NGEF: variants seen among roughly 807,000 people sequenced by gnomAD.
The protein encoded by NGEF is neuronal guanine nucleotide exchange factor.
A neutral mutation model predicts 80.9 loss-of-function variants in NGEF; 31 were observed. The ratio of observed to expected loss-of-function variants is 0.38; its 90% CI spans 0.29 to 0.52. NGEF has a LOEUF of 0.52. Among genes scored for constraint, NGEF ranks in the 20% least tolerant of loss-of-function variants. NGEF has a pLI of 0.84. For synonymous variants in NGEF, 371 were observed against 370.2 expected, an observed-to-expected ratio of 1.00 and a Z score of -0.03; for missense variants, 709 against 926.2, an observed-to-expected ratio of 0.77 and a Z score of 3.04.
chr2:232,979,397 G>C (rs938574), intron 1 of NGEF, among the ~76,000 whole-genome samples: 330 of 6,122 alleles, frequency 0.054, 2 homozygotes, highest in African/African-American at 0.099. Context: ...CACACACACA[G>C]GAAGAGATTG....
At chr2:232,996,337 A>C (rs1488787864) in intron 1 of NGEF, among the ~76,000 whole-genome samples, 1 of 152,186 alleles carries the variant, frequency 6.6e-6, no homozygotes, top group Non-Finnish European at 1.5e-5. Context: ...CAAGACAACA[A>C]CAACAACAAC....
chr2:232,928,043 C>A (rs1693121935), intron 3 of NGEF: 1 of 1,177,492 alleles, frequency 8.5e-7, no homozygotes, highest in Non-Finnish European at 1.0e-6. Context: ...TCGGGGGCCA[C>A]GCCGGGGCCC....
chr2:232,925,354 T>C (rs1198982916), intron 4 of NGEF, among the ~76,000 whole-genome samples: 1 of 152,202 alleles, frequency 6.6e-6, no homozygotes, highest in Admixed American at 6.5e-5. Context: ...CCCTGGGCTG[T>C]CAGTCAACAC....
rs1016796802 is a variant in NGEF at position 232,892,042 on chromosome 2, G to A, written c.1143-555C>T. 6.6e-6 allele frequency among the ~76,000 whole-genome samples: 1 copy of A among 151,996 alleles called. No homozygotes were observed. The highest frequency in any genetic ancestry group is 1.9e-4 in the East Asian group (1 of 5,196). ...GTGCTCAGCCTGTCACTCAGCCTCTGTGCTCACACGGCCTGGCGGGGGCCA... is the reference window on the plus strand; with the variant it reads ...GTGCTCAGCCTGTCACTCAGCCTCTATGCTCACACGGCCTGGCGGGGGCCA... On this transcript the variant is annotated intron_variant, in intron 7 of 14. Transcript: ENST00000264051. This position sits in a 1 kb window ranked among gnomAD's most constrained non-coding sequence, Gnocchi z 4.0.
chr2:233,005,233 C>A (rs958703167), intron 1 of NGEF, among the ~76,000 whole-genome samples: 4 of 152,188 alleles, frequency 2.6e-5, no homozygotes, highest in African/African-American at 7.2e-5. Flanking sequence ...GCTCTGAGTG[C>A]CCCATGGTTA....
At chr2:232,966,230 C>T (rs542445335) in intron 3 of NGEF, among the ~76,000 whole-genome samples, 1 of 152,128 alleles carries the variant, frequency 6.6e-6, no homozygotes, top group South Asian at 2.1e-4. Context: ...CTTAGACATG[C>T]CTCCCGGGAG....
intron 3 of NGEF, among the ~76,000 whole-genome samples, chr2:232,956,555 T>G (rs1693837189): frequency 6.6e-6 from 1 of 151,862 alleles, no homozygotes; most frequent in Non-Finnish European, 1.5e-5. Flanking sequence ...ATACCTGAGG[T>G]CAGGAGTTCG....
chr2:232,884,982 T>C, intron 10 of NGEF: 1 of 314,232 alleles, frequency 3.2e-6, no homozygotes, highest in Non-Finnish European at 5.9e-6. Context: ...AACTGACTGC[T>C]CAAGGCCACG....
intron 1 of NGEF, among the ~76,000 whole-genome samples, chr2:232,977,358 C>T (rs1028301873): frequency 1.3e-5 from 2 of 152,274 alleles, no homozygotes; most frequent in East Asian, 3.9e-4. Flanking sequence ...TGGCCTTGAG[C>T]TCAGTGTAAG....
rs1694251861 is a variant in NGEF, at chr2:232,974,555, A to AGGCATTTTCAATGCCACTAAT, written c.268+67_268+68insATTAGTGGCATTGAAAATGCC. The AGGCATTTTCAATGCCACTAAT allele has an allele frequency of 4.0e-6, 6 of 1,513,868 alleles. No homozygotes were observed. In the South Asian group the frequency reaches 7.6e-5, roughly 19 times the overall value. 93.8% of individuals were successfully genotyped at this position (1,513,868 alleles called of 1,614,324 possible). A position where few individuals can be genotyped will look rare whatever the true frequency, so the allele number is the denominator to read the frequency against. ...ACTTATCCTTTCTCATTTAATGAGG[A>AGGCATTTTCAATGCCACTAAT]CCTTTCAGCACTGATGACTCCAGTT... On this transcript the variant is annotated intron_variant, in intron 2 of 14. Coordinates refer to ENST00000264051, the MANE Select transcript of NGEF (RefSeq NM_019850.3).
chr2:232,977,211 A>G (rs6718452), intron 1 of NGEF, among the ~76,000 whole-genome samples: 88,654 of 151,548 alleles, frequency 0.58, 27,098 homozygotes, highest in African/African-American at 0.73. Context: ...GGACCCCTGC[A>G]CTTGCTCCAC....
At chr2:232,911,633 C>A (rs1176687211) in intron 5 of NGEF, among the ~76,000 whole-genome samples, 3 of 152,108 alleles carry the variant, frequency 2.0e-5, no homozygotes, top group Non-Finnish European at 4.4e-5. Flanking sequence ...TCTTTCAATC[C>A]ATAAACAGTT....
In NGEF at chr2:232,972,744, C is replaced by CTTTT. The variant is rs61594239; in HGVS notation, c.268+1875_268+1878dup. On this transcript the variant is annotated intron_variant, in intron 2 of 14. Coordinates refer to ENST00000264051, the MANE Select transcript of NGEF (RefSeq NM_019850.3). ...CTTTCTCCCCAGCCATGTCCTTATC[C>CTTTT]TTTTTTTTTTTTTTTTTTTTTTTTT... 1.5e-4 allele frequency among the ~76,000 whole-genome samples: 19 copies of CTTTT among 123,382 alleles called. 2 individuals carry two copies. In the East Asian group the frequency reaches 3.6e-3, roughly 23 times the overall value. The allele number at this position is 123,382 out of a possible 152,430, so 80.9% of individuals were successfully genotyped here. A position where few individuals can be genotyped will look rare whatever the true frequency, so the allele number is the denominator to read the frequency against.
chr2:232,920,697 A>C, intron 4 of NGEF, 112 bp from the exon 5 acceptor site: 1 of 1,081,264 alleles, frequency 9.2e-7, no homozygotes, highest in Non-Finnish European at 1.3e-6. Flanking sequence ...TGTGTCCAGG[A>C]ATACACAGTG....
chr2:232,946,060 C>A (rs1234705156), intron 3 of NGEF, among the ~76,000 whole-genome samples: 2 of 111,000 alleles, frequency 1.8e-5, no homozygotes, highest in Admixed American at 2.2e-4. Context: ...CAATATATAT[C>A]TGATATATAT....
At chr2:232,900,915 C>T (rs1168402573) in intron 5 of NGEF, among the ~76,000 whole-genome samples, 2 of 152,232 alleles carry the variant, frequency 1.3e-5, no homozygotes, top group Non-Finnish European at 2.9e-5. Flanking sequence ...GCGCGGGCCA[C>T]GGGGCTGCTC....
In NGEF at chr2:232,985,618, C is replaced by T. The variant is rs578092722; in HGVS notation, c.-74-10654G>A. Among the ~76,000 whole-genome samples the T allele has an allele frequency of 4.6e-5, 7 of 151,950 alleles. No individual in the cohort carries two copies. The East Asian group carries it at 5.8e-4, about 13-fold the overall frequency. The stretch of plus-strand genomic sequence containing the variant: ...ATACAAAAAAATTAGCTGGGCTTGG[C>T]GGCGGGTACCTGTAGTCCCAGCTAC... On this transcript the variant is annotated intron_variant, in intron 1 of 14. Transcript: ENST00000264051.
intron 1 of NGEF, among the ~76,000 whole-genome samples, chr2:232,979,390 ACACACAGG>A (rs1396980926): frequency 4.6e-5 from 1 of 21,850 alleles, no homozygotes; most frequent in Non-Finnish European, 7.0e-5. Flanking sequence ...ACACACACAC[ACACACAGG>A]AAGAGATTGT....
At chr2:232,971,148 T>G (rs1362388068) in intron 2 of NGEF, among the ~76,000 whole-genome samples, 5 of 152,194 alleles carry the variant, frequency 3.3e-5, no homozygotes, top group Non-Finnish European at 1.5e-5. Flanking sequence ...AAACAGAGAA[T>G]GTCCCACACC....
Sources: gnomAD v4.1 joint callset for allele counts (sites outside exome capture counted in the v4.1 genomes callset) on GRCh38, gnomAD v4.1.1 for gene constraint, Gnocchi (gnomAD v3.1) non-coding constraint, MANE v1.5 for transcripts, NCBI Gene and HGNC (gene_info 2026-07-23, HGNC 2026-07-21) for gene names.